Variants in CYP39A1 observed in about 807,000 individuals in gnomAD.
The protein encoded by CYP39A1 is cytochrome P450 family 39 subfamily A member 1.
In CYP39A1, 49 loss-of-function variants were observed where a neutral mutation model predicts 58.1. The ratio of observed to expected loss-of-function variants is 0.84; its 90% confidence interval spans 0.67 to 1.07. CYP39A1 has a LOEUF of 1.07. CYP39A1 is among the 50% of genes least tolerant of loss of function. CYP39A1 has a pLI of 0.00. For missense variants in CYP39A1, 531 were observed against 539.4 expected, an observed-to-expected ratio of 0.98 and a Z score of 0.16; for synonymous variants, 209 against 187.6, an observed-to-expected ratio of 1.11 and a Z score of -0.93.
chr6:46,587,194 A>G, intron 9 of CYP39A1, 29 bp from the exon 10 acceptor site: 1 of 1,407,832 alleles, frequency 7.1e-7, no homozygotes, highest in African/African-American at 1.4e-5. Flanking sequence ...TTTTTTTCCA[A>G]ATCAGCCTTA....
intron 7 of CYP39A1, among the ~76,000 whole-genome samples, chr6:46,609,829 G>A (rs1774106280): frequency 6.6e-6 from 1 of 152,132 alleles, no homozygotes; most frequent in African/African-American, 2.4e-5. Context: ...TACTATTTGG[G>A]TTTGTTGTTT....
intron 7 of CYP39A1, among the ~76,000 whole-genome samples, chr6:46,623,973 T>C (rs887619348): frequency 1.3e-5 from 2 of 149,672 alleles, no homozygotes; most frequent in Non-Finnish European, 3.0e-5. Context: ...GGTAGTACTA[T>C]TCGAAGGAGC....
intron 6 of CYP39A1, among the ~76,000 whole-genome samples, chr6:46,627,431 T>A (rs1444356093): frequency 4.0e-5 from 6 of 148,934 alleles, no homozygotes; most frequent in East Asian, 3.9e-4. Flanking sequence ...TATTTTTTTT[T>A]TTTTTGAGAC....
chr6:46,562,903 G>A (rs113195297), intron 10 of CYP39A1, among the ~76,000 whole-genome samples: 1 of 151,818 alleles, frequency 6.6e-6, no homozygotes, highest in Admixed American at 6.6e-5. Flanking sequence ...TGTACATTTT[G>A]AATTTGTGTG....
chr6:46,625,236 T>G (rs1322574943), intron 7 of CYP39A1, among the ~76,000 whole-genome samples, 182 bp downstream of exon 7: 1 of 152,166 alleles, frequency 6.6e-6, no homozygotes, highest in East Asian at 1.9e-4. Context: ...CACAAAAATA[T>G]GCTTGACAGT....
chr6:46,564,599 TAGA>T (rs1771174829), intron 10 of CYP39A1, among the ~76,000 whole-genome samples: 1 of 152,138 alleles, frequency 6.6e-6, no homozygotes, highest in Admixed American at 6.6e-5. Context: ...AGAGCAGTGA[TAGA>T]AGGAGAGAGA....
chr6:46,633,632 G>A (rs938110596), intron 5 of CYP39A1, among the ~76,000 whole-genome samples: 47 of 152,266 alleles, frequency 3.1e-4, no homozygotes, highest in African/African-American at 9.9e-4. Context: ...GCCGAGGCAG[G>A]TGGGTCACGA....
intron 1 of CYP39A1, among the ~76,000 whole-genome samples, chr6:46,648,313 CATGGAATACTATGCAGCCATAAA>C (rs1762454782): frequency 6.6e-6 from 1 of 151,784 alleles, no homozygotes; most frequent in Admixed American, 6.6e-5. Context: ...ACATATACAC[CATGGAATACTATGCAGCCATAAA>C]AAAGGATGAG....
At chr6:46,620,524 G>A (rs1203021381) in intron 7 of CYP39A1, among the ~76,000 whole-genome samples, 1 of 152,164 alleles carries the variant, frequency 6.6e-6, no homozygotes, top group Non-Finnish European at 1.5e-5. Context: ...AAAGGCTAGG[G>A]AATGAGTTGT....
intron 10 of CYP39A1, among the ~76,000 whole-genome samples, chr6:46,581,871 G>A (rs1772153896): frequency 6.6e-6 from 1 of 152,172 alleles, no homozygotes; most frequent in Non-Finnish European, 1.5e-5. Flanking sequence ...TCATAATGAA[G>A]TATCAAAATG....
chr6:46,648,706 G>A (rs962116412), intron 1 of CYP39A1, among the ~76,000 whole-genome samples: 2 of 151,846 alleles, frequency 1.3e-5, no homozygotes, highest in Non-Finnish European at 2.9e-5. Context: ...TATGCAAACA[G>A]TATTGGCACA....
intron 1 of CYP39A1, among the ~76,000 whole-genome samples, chr6:46,643,727 C>T (rs554351889): frequency 3.7e-4 from 57 of 152,100 alleles, no homozygotes; most frequent in African/African-American, 1.2e-3. Flanking sequence ...AATATAACTG[C>T]GGAGTAAAAG....
intron 10 of CYP39A1, among the ~76,000 whole-genome samples, chr6:46,576,991 A>G (rs1771879419): frequency 6.6e-6 from 1 of 152,264 alleles, no homozygotes; most frequent in East Asian, 1.9e-4. Context: ...GATTCTCCAA[A>G]GTCAATGCAA....
chr6:46,620,271 G>A (rs1050876915), intron 7 of CYP39A1, among the ~76,000 whole-genome samples: 1 of 152,056 alleles, frequency 6.6e-6, no homozygotes, highest in East Asian at 1.9e-4. Context: ...AACAAGGTTG[G>A]AACTTCTTCT....
chr6:46,616,184 TTTC>T (rs1318907478), intron 7 of CYP39A1, among the ~76,000 whole-genome samples: 3 of 25,454 alleles, frequency 1.2e-4, no homozygotes, highest in Non-Finnish European at 7.8e-5. Flanking sequence ...TCTTTCTTTC[TTTC>T]TTCTTTCCCT....
chr6:46,613,024 T>C (rs895501199), intron 7 of CYP39A1, among the ~76,000 whole-genome samples: 5 of 152,176 alleles, frequency 3.3e-5, no homozygotes, highest in African/African-American at 1.2e-4. Context: ...GGGTAAACAA[T>C]GACAATATAT....
intron 5 of CYP39A1, among the ~76,000 whole-genome samples, chr6:46,635,315 A>G (rs1775916387): frequency 6.6e-6 from 1 of 152,186 alleles, no homozygotes; most frequent in Admixed American, 6.5e-5. Flanking sequence ...GAGGAAACTG[A>G]GGCCAAGAGA....
chr6:46,647,753 T>C (rs1227098030), intron 1 of CYP39A1, among the ~76,000 whole-genome samples: 3 of 152,258 alleles, frequency 2.0e-5, no homozygotes, highest in African/African-American at 7.2e-5. Flanking sequence ...TTTTCATCTG[T>C]CTGTTGGTTG....
At chr6:46,588,745 G>A (rs1198245870) in intron 8 of CYP39A1, among the ~76,000 whole-genome samples, 1 of 152,152 alleles carries the variant, frequency 6.6e-6, no homozygotes, top group African/African-American at 2.4e-5. Context: ...GAAGACACAG[G>A]AAAAGGCAAG....
Sources: gnomAD v4.1 joint callset for allele counts (sites outside exome capture counted in the v4.1 genomes callset) on GRCh38, gnomAD v4.1.1 for gene constraint, MANE v1.5 for transcripts, NCBI Gene and HGNC (gene_info 2026-07-23, HGNC 2026-07-21) for gene names.